WFDC9: variants seen among roughly 807,000 people sequenced by gnomAD.
WFDC9 encodes the protein protein WFDC9.
WFDC9 carries 9 observed loss-of-function variants against 9.5 expected under a neutral mutation model. That is an observed-to-expected ratio of 0.95 (90% CI 0.57 to 1.65). The LOEUF is 1.65. Among genes scored for constraint, WFDC9 ranks in the 40% most tolerant of loss-of-function variants. The pLI is 0.00. For synonymous variants in WFDC9, 33 were observed against 32.3 expected (o/e 1.02, Z -0.07); for missense variants, 87 against 106.7 (o/e 0.82, Z 0.81).
intron 1 of WFDC9, among the ~76,000 whole-genome samples, chr20:45,619,405 A>G (rs1319956264): frequency 1.3e-5 from 2 of 152,168 alleles, no homozygotes; most frequent in Non-Finnish European, 2.9e-5. Context: ...TGTATCCAAT[A>G]ATTCTATATC....
At chr20:45,627,880 T>C (rs761015055) in intron 1 of WFDC9, among the ~76,000 whole-genome samples, 1 of 152,234 alleles carries the variant, frequency 6.6e-6, no homozygotes, top group African/African-American at 2.4e-5. Context: ...ACTTTTTTTA[T>C]AGCCTAATGT....
intron 1 of WFDC9, among the ~76,000 whole-genome samples, chr20:45,624,901 G>C (rs1409070331): frequency 6.6e-6 from 1 of 152,052 alleles, no homozygotes; most frequent in Non-Finnish European, 1.5e-5. Flanking sequence ...TGAATTGTCT[G>C]TTCAGATCAT....
chr20:45,628,522 A>T (rs1340257451), intron 1 of WFDC9, among the ~76,000 whole-genome samples: 1 of 152,212 alleles, frequency 6.6e-6, no homozygotes, highest in Non-Finnish European at 1.5e-5. Context: ...TTGCTAGGAT[A>T]GTTATGACAG....
intron 2 of WFDC9, among the ~76,000 whole-genome samples, chr20:45,613,240 T>G (rs934105126): frequency 6.6e-6 from 1 of 152,202 alleles, no homozygotes; most frequent in Non-Finnish European, 1.5e-5. Context: ...ACCTTTGACT[T>G]CTTGTGTGTC....
chr20:45,608,814 A>G lies in WFDC9; in HGVS notation c.92-4T>C. 1 of 1,607,396 alleles carries G rather than the reference A, an allele frequency of 6.2e-7. No homozygotes were observed. The highest frequency in any genetic ancestry group is 1.1e-5 in the South Asian group (1 of 89,692). Reference sequence around the variant, plus strand: ...GTTTCTCTTATCATATCTAGAACTGAGATGGAAGAAGTTAGCAGGGTCCGT... The same window carrying G: ...GTTTCTCTTATCATATCTAGAACTGGGATGGAAGAAGTTAGCAGGGTCCGT... On this transcript the variant is annotated splice_polypyrimidine_tract_variant and splice_region_variant and intron_variant, in intron 3 of 4. Coordinates refer to ENST00000326000, the MANE Select transcript of WFDC9 (RefSeq NM_147198.4).
intron 1 of WFDC9, among the ~76,000 whole-genome samples, chr20:45,615,842 CAA>C (rs951910438): frequency 7.9e-4 from 120 of 152,242 alleles, no homozygotes; most frequent in African/African-American, 2.8e-3. Context: ...TGTAGTCTGT[CAA>C]GTGTTCAATA....
chr20:45,625,802 C>CTTTTTTTTTTTTTTTTTTTTT, intron 1 of WFDC9, among the ~76,000 whole-genome samples: 1 of 69,986 alleles, frequency 1.4e-5, no homozygotes, highest in South Asian at 5.4e-4. Flanking sequence ...TCTAGGTTCT[C>CTTTTTTTTTTTTTTTTTTTTT]TATTCTTTTT....
intron 3 of WFDC9, 68 bp downstream of exon 3, chr20:45,610,023 C>A: frequency 7.9e-7 from 1 of 1,260,822 alleles, no homozygotes; most frequent in Admixed American, 1.9e-5. Flanking sequence ...GACATGCAGG[C>A]CCTGGATCAG....
At chr20:45,630,937 A>T (rs1370973213) in intron 1 of WFDC9, 1 of 1,612,656 alleles carries the variant, frequency 6.2e-7, no homozygotes, top group African/African-American at 1.3e-5. Context: ...GCAAACACTT[A>T]TGTGAATCTC....
chr20:45,614,806 C>T (rs1981938326), intron 1 of WFDC9, 85 bp from the exon 2 acceptor site: 1 of 152,126 alleles, frequency 6.6e-6, no homozygotes, highest in Non-Finnish European at 1.5e-5. Flanking sequence ...TAATTTCTAC[C>T]CAGAAACTAC....
Position 45,610,155 on chromosome 20 carries a change from G to T in WFDC9, c.27C>A (p.Val9=), listed in dbSNP as rs761762348. 4.3e-6 allele frequency: 7 copies of T among 1,614,126 alleles called. No individual in the cohort carries two copies. The highest frequency in any genetic ancestry group is 5.9e-6 in the Non-Finnish European group (7 of 1,180,002). Residue 9 remains valine, a synonymous_variant, in exon 3 of 5, where the codon GTC becomes GTA. Coordinates refer to ENST00000326000, the MANE Select transcript of WFDC9 (RefSeq NM_147198.4). MKPWILLL[V]MFISGVVMLL... Reference sequence around the variant, plus strand: ...GCATCACAACTCCAGAGATGAACATGACGAGTAGAAGAATCCAGGGCTTCA... The same window carrying T: ...GCATCACAACTCCAGAGATGAACATTACGAGTAGAAGAATCCAGGGCTTCA...
At position 45,608,071 on chromosome 20, in the gene WFDC9, GTCATCCT is replaced by G. The variant is rs1371683795; in HGVS notation, c.*32_*38del. ...GGCAGCACTCTTCTTAGACCAGATG[GTCATCCT>G]TCAGCCCACAGTAGTGATCGGCCAA... On this transcript the variant is annotated 3_prime_UTR_variant, in exon 5 of 5. Coordinates refer to ENST00000326000, the MANE Select transcript of WFDC9 (RefSeq NM_147198.4). 1 of 1,612,012 alleles carries G rather than the reference GTCATCCT, an allele frequency of 6.2e-7. No homozygotes were observed. The highest frequency in any genetic ancestry group is 8.5e-7 in the Non-Finnish European group (1 of 1,178,646).
intron 4 of WFDC9, among the ~76,000 whole-genome samples, chr20:45,608,371 G>A (rs1981775109): frequency 6.6e-6 from 1 of 152,136 alleles, no homozygotes; most frequent in Admixed American, 6.5e-5. Context: ...GCCCAACTAA[G>A]GGGTTAGTAA....
intron 1 of WFDC9, among the ~76,000 whole-genome samples, chr20:45,618,662 A>G (rs186829868): frequency 6.6e-6 from 1 of 152,284 alleles, no homozygotes; most frequent in African/African-American, 2.4e-5. Context: ...GCACACACAC[A>G]TTTATTGTTC....
At chr20:45,629,484 T>C in intron 1 of WFDC9, 1 of 186,142 alleles carries the variant, frequency 5.4e-6, no homozygotes, top group Non-Finnish European at 1.1e-5. Flanking sequence ...TTTAACAATA[T>C]ATTTTTTCTT....
chr20:45,609,063 A>C (rs1464096134), intron 3 of WFDC9, among the ~76,000 whole-genome samples: 2 of 152,312 alleles, frequency 1.3e-5, no homozygotes, highest in Admixed American at 6.5e-5. Flanking sequence ...CCCTGACCAT[A>C]TATGACACCA....
At position 45,629,953 on chromosome 20, in the gene WFDC9, T is replaced by C. The variant is rs1251651335; in HGVS notation, c.-153+1250A>G. Reference sequence around the variant, plus strand: ...GTGAGGGGGAATTGGGTAGGGGGAATGGAGGGCCTGTGTCCAGTCTGAGTA... The same window carrying C: ...GTGAGGGGGAATTGGGTAGGGGGAACGGAGGGCCTGTGTCCAGTCTGAGTA... On this transcript the variant is annotated intron_variant, in intron 1 of 4. Transcript: ENST00000326000. 1.9e-6 allele frequency: 3 copies of C among 1,599,430 alleles called. No homozygotes were observed. In the African/African-American group the frequency reaches 4.0e-5, roughly 21 times the overall value.
At chr20:45,611,501 A>T (rs146307416) in intron 2 of WFDC9, among the ~76,000 whole-genome samples, 132 of 152,356 alleles carry the variant, frequency 8.7e-4, no homozygotes, top group African/African-American at 3.0e-3. Context: ...GAAGCAAGGA[A>T]ATAAACTAAC....
At chr20:45,627,504 TTCG>T (rs1982247284) in intron 1 of WFDC9, among the ~76,000 whole-genome samples, 1 of 151,100 alleles carries the variant, frequency 6.6e-6, no homozygotes, top group Non-Finnish European at 1.5e-5. Flanking sequence ...TTACTTGTTA[TTCG>T]TCTGTTCAGG....
Sources: allele counts gnomAD v4.1 joint callset (sites outside exome capture counted in the v4.1 genomes callset), GRCh38; gene constraint gnomAD v4.1.1; transcripts MANE v1.5; gene names NCBI Gene and HGNC (gene_info 2026-07-23, HGNC 2026-07-21).